The following ADGRL2 variants were observed in gnomAD, a reference collection of about 807,000 sequenced individuals.
The protein encoded by ADGRL2 is adhesion G protein-coupled receptor L2.
A neutral mutation model predicts 157.4 loss-of-function variants in ADGRL2; 44 were observed. That is an observed-to-expected ratio of 0.28 (90% confidence interval 0.22 to 0.36). ADGRL2 has a LOEUF of 0.36. Among genes scored for constraint, ADGRL2 ranks in the 10% least tolerant of loss-of-function variants. ADGRL2 has a pLI of 1.00. For missense variants in ADGRL2, 1,510 were observed against 1,768.9 expected (o/e 0.85, Z 2.63); for synonymous variants, 585 against 624.7 (o/e 0.94, Z 0.95).
At chr1:81,814,074 T>C (rs1388866482) in intron 1 of ADGRL2, among the ~76,000 whole-genome samples, 3 of 151,712 alleles carry the variant, frequency 2.0e-5, no homozygotes, top group African/African-American at 4.8e-5. Context: ...CTCATAAAAG[T>C]ATTATTGGTA....
intron 2 of ADGRL2, among the ~76,000 whole-genome samples, chr1:81,532,813 G>A (rs988091342): frequency 2.0e-5 from 3 of 151,992 alleles, no homozygotes; most frequent in African/African-American, 4.8e-5. Context: ...CCAGCCACTC[G>A]GGAGGCAAAG....
At chr1:81,818,045 G>A (rs930976300) in intron 1 of ADGRL2, among the ~76,000 whole-genome samples, 28 of 151,806 alleles carry the variant, frequency 1.8e-4, no homozygotes, top group Admixed American at 7.2e-4. Flanking sequence ...GGGGTGGTGC[G>A]TGCCTGTAGC....
chr1:81,989,767 T>A, intron 23 of ADGRL2: 1 of 1,595,310 alleles, frequency 6.3e-7, no homozygotes, highest in Non-Finnish European at 8.5e-7. Flanking sequence ...GGGCCCCTGG[T>A]CCAGTCAGTA....
intron 1 of ADGRL2, among the ~76,000 whole-genome samples, chr1:81,721,206 G>C (rs1235549134): frequency 6.7e-6 from 1 of 150,276 alleles, no homozygotes; most frequent in Non-Finnish European, 1.5e-5. Flanking sequence ...AAATGGTAAC[G>C]GCATACATTT....
At chr1:81,985,146 G>A (rs1662791244) in intron 20 of ADGRL2, 113 bp from the exon 21 acceptor site, 1 of 527,922 alleles carries the variant, frequency 1.9e-6, no homozygotes, top group East Asian at 3.1e-5. Context: ...TTCTTTAAAA[G>A]GCCACCAGAT....
At chr1:81,795,980 G>A (rs1302577138), upstream of ADGRL2, among the ~76,000 whole-genome samples, 1 of 152,036 alleles carries the variant, frequency 6.6e-6, no homozygotes, top group African/African-American at 2.4e-5. Flanking sequence ...TTTTATTTTT[G>A]TTTTGTTTTG....
At chr1:81,855,806 A>T (rs1374072514) in intron 2 of ADGRL2, among the ~76,000 whole-genome samples, 2 of 152,188 alleles carry the variant, frequency 1.3e-5, no homozygotes, top group African/African-American at 2.4e-5. Context: ...AAAAAATAAG[A>T]TTGTTGGAGT....
intron 3 of ADGRL2, among the ~76,000 whole-genome samples, chr1:81,647,321 T>C (rs2082332782): frequency 6.6e-6 from 1 of 152,150 alleles, no homozygotes. Flanking sequence ...AAGCAGGTTA[T>C]CTAAGCCATA....
intron 1 of ADGRL2, among the ~76,000 whole-genome samples, chr1:81,391,516 C>T: frequency 6.6e-6 from 1 of 152,296 alleles, no homozygotes; most frequent in Non-Finnish European, 1.5e-5. Flanking sequence ...CCAATCATTT[C>T]CTATCTGTGG....
At chr1:81,594,305 A>AT (rs956618253) in intron 3 of ADGRL2, among the ~76,000 whole-genome samples, 4 of 152,212 alleles carry the variant, frequency 2.6e-5, no homozygotes, top group Non-Finnish European at 5.9e-5. Context: ...GAAAGGGATC[A>AT]TGGCCTCATT....
chr1:81,915,635 ATTT>A (rs2094838249), intron 3 of ADGRL2, among the ~76,000 whole-genome samples: 2 of 152,158 alleles, frequency 1.3e-5, no homozygotes, highest in Non-Finnish European at 2.9e-5. Context: ...AAAAGTTTGA[ATTT>A]TATTTTATTT....
intron 3 of ADGRL2, among the ~76,000 whole-genome samples, chr1:81,919,740 A>G (rs2094936906): frequency 1.3e-5 from 2 of 152,160 alleles, no homozygotes; most frequent in South Asian, 4.1e-4. Flanking sequence ...AATGTTTGTA[A>G]GTAACTTTTG....
Position 81,560,533 on chromosome 1 carries a change from A to G in ADGRL2, c.-247-20343A>G, listed in dbSNP as rs371506440. ...TTTTAAAATAGAGACTAAACACACA[A>G]TTTTGCACATATGTGTTGGGAATTC... is the stretch of plus-strand genomic sequence containing the variant. On this transcript the variant is annotated intron_variant, in intron 2 of 24. Coordinates refer to the ADGRL2 transcript ENST00000370721. Among the ~76,000 whole-genome samples the G allele has an allele frequency of 4.6e-5, 7 of 152,136 alleles. No homozygotes were observed. The East Asian group carries it at 7.7e-4, about 17-fold the overall frequency.
intron 1 of ADGRL2, among the ~76,000 whole-genome samples, chr1:81,348,172 C>A (rs187078394): frequency 0.011 from 1,739 of 152,230 alleles, 19 homozygotes; most frequent in South Asian, 0.022. Context: ...GACAGCAAAG[C>A]ATCACATCGA....
chr1:81,991,039 T>C lies in ADGRL2; in HGVS notation c.4304T>C (p.Ile1435Thr), dbSNP rs1664514749. The change falls in exon 24 of 24, where the codon ATC (isoleucine) becomes ACC (threonine). Residue 1435 changes from isoleucine (I) to threonine (T), a missense_variant. Transcript: ENST00000686636. ...AGHQLQMCYQISRGNSDGYII... is the reference protein window; with the variant it reads ...AGHQLQMCYQTSRGNSDGYII... ...CATCAGCTTCAGATGTGCTACCAGA[T>C]CAGCAGGGGCAATAGTGATGGTTAT... 1.2e-6 allele frequency: 2 copies of C among 1,613,892 alleles called. No homozygotes were observed. The highest frequency in any genetic ancestry group is 1.3e-5 in the African/African-American group (1 of 75,010).
At chr1:81,515,966 C>T (rs2079168632) in intron 2 of ADGRL2, among the ~76,000 whole-genome samples, 1 of 152,048 alleles carries the variant, frequency 6.6e-6, no homozygotes, top group Admixed American at 6.5e-5. Flanking sequence ...ATTCAAATGA[C>T]TTCATGGTAT....
At chr1:81,855,047 A>T (rs960139467) in intron 2 of ADGRL2, among the ~76,000 whole-genome samples, 6 of 152,196 alleles carry the variant, frequency 3.9e-5, no homozygotes, top group Admixed American at 3.9e-4. Context: ...CGTTGAGAAT[A>T]TTGAACAAGT....
rs149083939 is a variant in ADGRL2 at position 81,558,329 on chromosome 1, T to C, written c.-247-22547T>C. 1.1e-3 allele frequency among the ~76,000 whole-genome samples: 174 copies of C among 152,314 alleles called. 1 individual carries two copies. The highest frequency in any genetic ancestry group is 4.0e-3 in the African/African-American group (166 of 41,568). The stretch of plus-strand genomic sequence containing the variant: ...ACATTAATAACAAAAATTATTTTCA[T>C]TAGCTGCAAGAAAGTAATAGTTTAT... On this transcript the variant is annotated intron_variant, in intron 2 of 24. Transcript: ENST00000370721.
chr1:81,921,376 A>C (rs911745008), intron 3 of ADGRL2, among the ~76,000 whole-genome samples: 2 of 152,224 alleles, frequency 1.3e-5, no homozygotes, highest in Non-Finnish European at 2.9e-5. Flanking sequence ...CGTGTAAAAA[A>C]TTTTAAAATT....
Sources: gnomAD v4.1 joint callset for allele counts (sites outside exome capture counted in the v4.1 genomes callset) on GRCh38, gnomAD v4.1.1 for gene constraint, MANE v1.5 for transcripts, NCBI Gene and HGNC (gene_info 2026-07-23, HGNC 2026-07-21) for gene names.